CNGB3: variants seen among roughly 807,000 people sequenced by gnomAD.
CNGB3 encodes the protein cyclic nucleotide gated channel subunit beta 3.
CNGB3 carries 86 observed loss-of-function variants against 92.8 expected under a neutral mutation model. The observed-to-expected ratio is 0.93, with a 90% confidence interval of 0.78 to 1.11. The LOEUF (loss-of-function observed/expected upper bound fraction) is 1.11. Ranked by LOEUF, CNGB3 falls within the 50% of genes least tolerant of loss-of-function variation. The pLI is 0.00. For synonymous variants in CNGB3, 333 were observed against 332.7 expected (o/e 1.00, Z -0.01); for missense variants, 1,026 against 956.8 (o/e 1.07, Z -0.95).
chr8:86,653,311 A>G (rs1823440985), intron 7 of CNGB3, among the ~76,000 whole-genome samples: 1 of 152,098 alleles, frequency 6.6e-6, no homozygotes, highest in Admixed American at 6.6e-5. Context: ...ATATTTAATA[A>G]AGAAAATTAG....
chr8:86,635,839 TATATATATATATATATATATATATAC>T (rs1400463075), intron 10 of CNGB3, among the ~76,000 whole-genome samples: 2 of 62,400 alleles, frequency 3.2e-5, no homozygotes, highest in East Asian at 5.1e-4. Flanking sequence ...TATATATATA[TATATATATATATATATATATATATAC>T]ACATACACAT....
chr8:86,643,823 CAGGCATTA>C lies in CNGB3; in HGVS notation c.1098_1105del (p.Ile366MetfsTer10). 6.2e-7 allele frequency: 1 copy of C among 1,607,290 alleles called. No homozygotes were observed. Among genetic ancestry groups the C allele is most frequent in the Non-Finnish European group, 8.5e-7 (1 of 1,175,580 alleles). Reference sequence around the variant, plus strand: ...ATAGTTTGAAGCCCAGTAATAAACACAGGCATTAATGTGCAGAATAAACAGCAAGTATC... The same window carrying C: ...ATAGTTTGAAGCCCAGTAATAAACACATGTGCAGAATAAACAGCAAGTATC... On this transcript the variant is annotated frameshift_variant, in exon 10 of 18. Coordinates refer to ENST00000320005, the MANE Select transcript of CNGB3 (RefSeq NM_019098.5). LOFTEE classifies it high-confidence loss of function.
intron 6 of CNGB3, among the ~76,000 whole-genome samples, chr8:86,665,848 A>ATGT (rs1823731214): frequency 6.6e-6 from 1 of 152,208 alleles, no homozygotes; most frequent in Non-Finnish European, 1.5e-5. Context: ...ATCACCCAAG[A>ATGT]TACCCAGGTA....
chr8:86,741,645 G>C (rs1233999259), intron 1 of CNGB3, among the ~76,000 whole-genome samples: 1 of 151,270 alleles, frequency 6.6e-6, no homozygotes, highest in African/African-American at 2.4e-5. Context: ...CAGCCTGGGC[G>C]ACAGAATGAG....
At chr8:86,722,007 A>G (rs1235646594) in intron 3 of CNGB3, among the ~76,000 whole-genome samples, 4 of 152,174 alleles carry the variant, frequency 2.6e-5, no homozygotes, top group Non-Finnish European at 5.9e-5. Flanking sequence ...ATTATGAACA[A>G]AGAAGACTAT....
rs774662945 is a variant in CNGB3, at chr8:86,667,146, C to A, written c.644-13G>T. The A allele has an allele frequency of 1.2e-5, 20 of 1,609,992 alleles. No homozygotes were observed. In the Middle Eastern group the frequency reaches 8.2e-4, roughly 66 times the overall value. ...AGATAGAGTCGATCTGGAAAAACAG[C>A]AAGTGGTGAAATCCAAATGACATAG... On this transcript the variant is annotated splice_polypyrimidine_tract_variant and intron_variant, in intron 5 of 17. Coordinates refer to ENST00000320005, the MANE Select transcript of CNGB3 (RefSeq NM_019098.5).
intron 3 of CNGB3, among the ~76,000 whole-genome samples, chr8:86,693,490 C>T (rs1174307608): frequency 1.4e-5 from 2 of 148,008 alleles, no homozygotes; most frequent in African/African-American, 5.0e-5. Flanking sequence ...GTGTTTCTCG[C>T]AGAGGGGGAT....
rs186103366 is a variant in CNGB3 at position 86,648,874 on chromosome 8, G to A, written c.904-987C>T. 7.1e-4 allele frequency among the ~76,000 whole-genome samples: 107 copies of A among 151,454 alleles called. 1 individual carries two copies. Among genetic ancestry groups the A allele is most frequent in the East Asian group, 2.3e-3 (12 of 5,164 alleles). On this transcript the variant is annotated intron_variant, in intron 7 of 17. Transcript: ENST00000320005. ...AGAGGAAATCAAAATATCACTGTTC[G>A]CTGATGATATGATCGTATCCTAGAA... is the stretch of plus-strand genomic sequence containing the variant.
At chr8:86,664,331 A>G (rs1823700409) in intron 6 of CNGB3, among the ~76,000 whole-genome samples, 2 of 152,244 alleles carry the variant, frequency 1.3e-5, no homozygotes, top group South Asian at 4.1e-4. Flanking sequence ...TCAACAGAAA[A>G]TATTAAGGAG....
At chr8:86,739,113 A>G (rs1211765681) in intron 2 of CNGB3, among the ~76,000 whole-genome samples, 1 of 152,054 alleles carries the variant, frequency 6.6e-6, no homozygotes, top group Non-Finnish European at 1.5e-5. Flanking sequence ...GTTGAAAAAT[A>G]TTGAGTCTTA....
chr8:86,720,734 T>C (rs549242034), intron 3 of CNGB3, among the ~76,000 whole-genome samples: 1 of 151,654 alleles, frequency 6.6e-6, no homozygotes, highest in Non-Finnish European at 1.5e-5. Flanking sequence ...GTTGCAAAAA[T>C]ATGGAACCAA....
chr8:86,647,688 A>C (rs1205229269), intron 8 of CNGB3, 113 bp downstream of exon 8: 3 of 689,270 alleles, frequency 4.4e-6, no homozygotes, highest in Non-Finnish European at 7.8e-6. Context: ...TTTGGGAAAA[A>C]TTAAGAATAT....
At chr8:86,600,247 T>G (rs1484250114) in intron 15 of CNGB3, among the ~76,000 whole-genome samples, 1 of 152,202 alleles carries the variant, frequency 6.6e-6, no homozygotes, top group Non-Finnish European at 1.5e-5. Flanking sequence ...GTACACACTC[T>G]CTTCCTGGGA....
chr8:86,732,432 T>A (rs1293747675), intron 2 of CNGB3, among the ~76,000 whole-genome samples: 1 of 152,064 alleles, frequency 6.6e-6, no homozygotes, highest in Admixed American at 6.6e-5. Flanking sequence ...GAAAAATGAG[T>A]AAATGGAAAT....
intron 2 of CNGB3, among the ~76,000 whole-genome samples, chr8:86,731,486 T>G (rs1825154614): frequency 6.6e-6 from 1 of 152,226 alleles, no homozygotes; most frequent in Non-Finnish European, 1.5e-5. Context: ...TGGATCCATC[T>G]AAGTTAGTTT....
intron 3 of CNGB3, among the ~76,000 whole-genome samples, chr8:86,702,384 GAACA>G (rs2131647903): frequency 6.6e-6 from 1 of 152,238 alleles, no homozygotes; most frequent in East Asian, 1.9e-4. Context: ...TATAGGTAAT[GAACA>G]AACATATTTT....
At chr8:86,665,796 A>G (rs1432592457) in intron 6 of CNGB3, among the ~76,000 whole-genome samples, 1 of 152,218 alleles carries the variant, frequency 6.6e-6, no homozygotes, top group South Asian at 2.1e-4. Flanking sequence ...ATTATTGGGT[A>G]CTATGTCCAG....
chr8:86,589,732 A>G (rs554211611), intron 15 of CNGB3, among the ~76,000 whole-genome samples: 2,690 of 151,956 alleles, frequency 0.018, 75 homozygotes, highest in African/African-American at 0.062. Flanking sequence ...GTTCTTTTAC[A>G]TTTGCTGAGG....
intron 3 of CNGB3, among the ~76,000 whole-genome samples, chr8:86,674,649 G>A: frequency 6.6e-6 from 1 of 152,180 alleles, no homozygotes; most frequent in East Asian, 1.9e-4. Flanking sequence ...TCTGAGCTCT[G>A]TTTGCTATTT....
Sources: gnomAD v4.1 joint callset for allele counts (sites outside exome capture counted in the v4.1 genomes callset) on GRCh38, gnomAD v4.1.1 for gene constraint, MANE v1.5 for transcripts, NCBI Gene and HGNC (gene_info 2026-07-23, HGNC 2026-07-21) for gene names.